ZNG1A: variants seen among roughly 807,000 people sequenced by gnomAD.
The protein encoded by ZNG1A is zinc-regulated GTPase metalloprotein activator 1A.
the ZNG1A span, among the ~76,000 whole-genome samples, chr9:128,577 T>G: frequency 0.017 from 2,484 of 146,632 alleles, 148 homozygotes; most frequent in African/African-American, 0.061. Flanking sequence ...TATTTCTCCC[T>G]TTACTTCTTG....
the ZNG1A span, chr9:172,025 C>G: frequency 2.5e-6 from 4 of 1,608,386 alleles, no homozygotes; most frequent in Non-Finnish European, 3.4e-6. Flanking sequence ...TCTAATACAT[C>G]TATTTACAAT....
chr9:174,064 G>A, the ZNG1A span, among the ~76,000 whole-genome samples: 23 of 150,920 alleles, frequency 1.5e-4, no homozygotes, highest in South Asian at 2.7e-3. Context: ...GGAGAATGGC[G>A]TGAACCCGGG....
At chr9:126,790 G>C in the ZNG1A span, among the ~76,000 whole-genome samples, 1 of 151,890 alleles carries the variant, frequency 6.6e-6, no homozygotes, top group African/African-American at 2.4e-5. Flanking sequence ...TGGATTGTCT[G>C]TGCTCTTTCC....
At chr9:149,392 T>C in the ZNG1A span, 1 of 151,832 alleles carries the variant, frequency 6.6e-6, no homozygotes, top group Non-Finnish European at 1.5e-5. Context: ...GTCCCTGGAA[T>C]ACAAAATCTT....
chr9:146,097 C>G, the ZNG1A span: 1 of 1,548,938 alleles, frequency 6.5e-7, no homozygotes, highest in African/African-American at 1.4e-5. Flanking sequence ...TTATACAAAA[C>G]ATACCTTATT....
At chr9:123,961 A>G in the ZNG1A span, among the ~76,000 whole-genome samples, 4 of 152,188 alleles carry the variant, frequency 2.6e-5, no homozygotes, top group Non-Finnish European at 4.4e-5. Flanking sequence ...ACTCAAAACC[A>G]AAGTAAATCT....
chr9:143,841 G>A, the ZNG1A span, among the ~76,000 whole-genome samples: 1 of 78,562 alleles, frequency 1.3e-5, no homozygotes, highest in East Asian at 4.3e-4. Flanking sequence ...AGCAACTTCA[G>A]CAAAGTCTCA....
At chr9:156,345 T>C in the ZNG1A span, 6 of 1,252,252 alleles carry the variant, frequency 4.8e-6, no homozygotes, top group South Asian at 1.5e-5. Flanking sequence ...TAGCAATAAT[T>C]CAACTAAGGG....
the ZNG1A span, among the ~76,000 whole-genome samples, chr9:169,826 T>C: frequency 6.7e-6 from 1 of 148,652 alleles, no homozygotes; most frequent in African/African-American, 2.5e-5. Flanking sequence ...TTACACATTT[T>C]ATAGACTACA....
chr9:163,640 G>C, the ZNG1A span, among the ~76,000 whole-genome samples: 11 of 151,976 alleles, frequency 7.2e-5, no homozygotes, highest in African/African-American at 2.2e-4. Context: ...AAAGAGGCAG[G>C]GTGTGGTGGC....
chr9:178,368 G>T, the ZNG1A span, among the ~76,000 whole-genome samples: 1 of 151,836 alleles, frequency 6.6e-6, no homozygotes, highest in East Asian at 1.9e-4. Context: ...TGGGGAAGGG[G>T]AATCTACTGA....
chr9:145,574 G>C, the ZNG1A span, among the ~76,000 whole-genome samples: 2 of 147,820 alleles, frequency 1.4e-5, no homozygotes, highest in East Asian at 2.0e-4. Context: ...GGGAGGGATA[G>C]CATTGGGAGA....
chr9:158,837 A>G, the ZNG1A span, among the ~76,000 whole-genome samples: 6 of 152,198 alleles, frequency 3.9e-5, no homozygotes, highest in Admixed American at 6.5e-5. Context: ...AGCCATACAA[A>G]CATTTAAAAA....
At chr9:145,121 T>C in the ZNG1A span, among the ~76,000 whole-genome samples, 1 of 147,980 alleles carries the variant, frequency 6.8e-6, no homozygotes, top group Non-Finnish European at 1.5e-5. Flanking sequence ...AGTTCAACCA[T>C]TGTGGAAGTC....
the ZNG1A span, among the ~76,000 whole-genome samples, chr9:127,799 T>A: frequency 3.3e-5 from 5 of 152,262 alleles, no homozygotes; most frequent in African/African-American, 1.2e-4. Flanking sequence ...CGTCCTGTGA[T>A]ATTTATGCTT....
the ZNG1A span, among the ~76,000 whole-genome samples, chr9:170,543 G>A: frequency 0.012 from 1,689 of 141,714 alleles, 20 homozygotes; most frequent in Middle Eastern, 0.036. Context: ...GCGCCACATC[G>A]CCTGGCTAGT....
At chr9:150,127 T>TTTG in the ZNG1A span, 1 of 120,922 alleles carries the variant, frequency 8.3e-6, no homozygotes, top group East Asian at 2.3e-4. Flanking sequence ...TTTTGTTTTT[T>TTTG]TTTTTTTTTT....
the ZNG1A span, among the ~76,000 whole-genome samples, chr9:134,091 G>GT: frequency 1.6e-5 from 1 of 63,578 alleles, no homozygotes; most frequent in Non-Finnish European, 3.2e-5. Flanking sequence ...TGGGTTTTTT[G>GT]TTTTTTTACC....
chr9:171,390 T>C, the ZNG1A span, among the ~76,000 whole-genome samples: 1 of 152,120 alleles, frequency 6.6e-6, no homozygotes, highest in South Asian at 2.1e-4. Context: ...CTAACTTTTA[T>C]GCAAAATGAA....
Sources: allele counts gnomAD v4.1 joint callset (sites outside exome capture counted in the v4.1 genomes callset), GRCh38; gene constraint gnomAD v4.1.1; transcripts MANE v1.5; gene names NCBI Gene and HGNC (gene_info 2026-07-23, HGNC 2026-07-21).